CYP4V2: variants seen among roughly 807,000 people sequenced by gnomAD.
CYP4V2 encodes cytochrome P450 4V2.
CYP4V2 carries 55 observed loss-of-function variants against 60.8 expected under a neutral mutation model. That is an observed-to-expected ratio of 0.90 (90% CI 0.73 to 1.13). The LOEUF (loss-of-function observed/expected upper bound fraction) is 1.13. Ranked by LOEUF, CYP4V2 falls within the 50% of genes most tolerant of loss-of-function variation. CYP4V2 has a pLI of 0.00. For synonymous variants in CYP4V2, 239 were observed against 236.8 expected (o/e 1.01, Z -0.08); for missense variants, 675 against 662.9 (o/e 1.02, Z -0.20).
At position 186,197,142 on chromosome 4, in the gene CYP4V2, C is replaced by A; in HGVS notation, c.604+12C>A. ...AGATATCATCTGTGGTGAGTCTCAT[C>A]GATCTGTTTCTAAATTTATGGCATA... On this transcript the variant is annotated intron_variant, in intron 4 of 10. Coordinates refer to ENST00000378802, the MANE Select transcript of CYP4V2 (RefSeq NM_207352.4). The A allele has an allele frequency of 6.2e-7, 1 of 1,613,162 alleles. No homozygotes were observed.
At position 186,208,969 on chromosome 4, in the gene CYP4V2, G is replaced by T. The variant is rs758771290; in HGVS notation, c.1195G>T (p.Ala399Ser). 3 of 1,613,998 alleles carry T rather than the reference G, an allele frequency of 1.9e-6. No homozygotes were observed. The highest frequency in any genetic ancestry group is 1.7e-5 in the Admixed American group (1 of 60,000). Residue 399 changes from alanine (A) to serine (S), a missense_variant, in exon 9 of 11, where the codon GCC becomes TCC. By Grantham distance (99) the Ala-to-Ser change is moderately conservative. Coordinates refer to ENST00000378802, the MANE Select transcript of CYP4V2 (RefSeq NM_207352.4). ...LRLFPSVPLF[A>S]RSVSEDCEVA... ...CCTTTTTCCTTCTGTTCCTTTATTT[G>T]CCCGTAGTGTTAGTGAAGATTGTGA...
Position 186,195,121 on chromosome 4 carries a change from G to T in CYP4V2, c.327+509G>T, listed in dbSNP as rs1280036604. ...CTGTAGTCTTTTTACTTGTTGAAAG[G>T]TCTGGGGAAATCATCTTGTAGTATG... On this transcript the variant is annotated intron_variant, in intron 2 of 10. Transcript: ENST00000378802. The surrounding 1 kb of genome is among the most constrained non-coding windows in gnomAD (Gnocchi z 4.1). 2.6e-5 allele frequency among the ~76,000 whole-genome samples: 4 copies of T among 152,194 alleles called. No individual in the cohort carries two copies. Among genetic ancestry groups the T allele is most frequent in the Non-Finnish European group, 5.9e-5 (4 of 68,040 alleles).
In CYP4V2 at chr4:186,191,874, C is replaced by A; in HGVS notation, c.51C>A (p.Gly17=). Residue 17 remains glycine, a synonymous_variant, in exon 1 of 11, where the codon GGC becomes GGA. Transcript: ENST00000378802. The stretch of plus-strand genomic sequence containing the variant: ...TGTGGCAGAAGCTGCTGCTGTGGGG[C>A]GCGGCGAGTGCCCTTTCCCTGGCCG... ...GLVWQKLLLW[G]AASALSLAGA... 1 of 1,587,456 alleles carries A rather than the reference C, an allele frequency of 6.3e-7. No homozygotes were observed. Among genetic ancestry groups the A allele is most frequent in the East Asian group, 2.3e-5 (1 of 43,604 alleles).
At chr4:186,192,084 G>C in intron 1 of CYP4V2, 47 bp downstream of exon 1, 1 of 1,534,824 alleles carries the variant, frequency 6.5e-7, no homozygotes, top group Non-Finnish European at 8.7e-7. Context: ...CCGCAGCCCC[G>C]TTCCCACCCT....
In CYP4V2 at chr4:186,195,914, A is replaced by C. The variant is rs1173001877; in HGVS notation, c.328-89A>C. On this transcript the variant is annotated intron_variant, in intron 2 of 10. Transcript: ENST00000378802. This position sits in a 1 kb window ranked among gnomAD's most constrained non-coding sequence, Gnocchi z 4.1. Reference sequence around the variant, plus strand: ...AATAAATGTTGTGAATGCCCTAAAAACTAGCTGTATTCTAGCCAGTATTCC... The same window carrying C: ...AATAAATGTTGTGAATGCCCTAAAACCTAGCTGTATTCTAGCCAGTATTCC... 1 of 917,150 alleles carries C rather than the reference A, an allele frequency of 1.1e-6. No homozygotes were observed. Among genetic ancestry groups the C allele is most frequent in the East Asian group, 2.5e-5 (1 of 40,552 alleles). The allele number at this position is 917,150 out of a possible 1,614,324, so 56.8% of individuals were successfully genotyped here.
chr4:186,196,990 A>G lies in CYP4V2; in HGVS notation c.464A>G (p.His155Arg), dbSNP rs768393090. 6.2e-7 allele frequency: 1 copy of G among 1,613,790 alleles called. No individual in the cohort carries two copies. The highest frequency in any genetic ancestry group is 1.1e-5 in the South Asian group (1 of 91,060). Residue 155 changes from histidine to arginine, a missense_variant, in exon 4 of 11, where the codon CAT (histidine) becomes CGT (arginine). Coordinates refer to ENST00000378802, the MANE Select transcript of CYP4V2 (RefSeq NM_207352.4). ...AGAAAGATGTTAACACCCACTTTCC[A>G]TTTTACCATTCTGGAAGATTTCTTA... ...SRRKMLTPTFHFTILEDFLDI... is the reference protein window; with the variant it reads ...SRRKMLTPTFRFTILEDFLDI...
At chr4:186,192,440 C>T in intron 1 of CYP4V2, 1 of 359,984 alleles carries the variant, frequency 2.8e-6, no homozygotes. Context: ...CCTCTCGCTG[C>T]CACTTTGGAA....
chr4:186,194,651 T>G (rs72646244), intron 2 of CYP4V2, 39 bp downstream of exon 2: 75 of 1,523,206 alleles, frequency 4.9e-5, no homozygotes, highest in Non-Finnish European at 6.7e-5. Context: ...GTACTGTGTA[T>G]CTGACAGTGT....
chr4:186,197,933 GA>G (rs1478790071), intron 5 of CYP4V2, among the ~76,000 whole-genome samples: 7 of 152,214 alleles, frequency 4.6e-5, no homozygotes, highest in African/African-American at 1.4e-4. Flanking sequence ...ATTATTCATA[GA>G]AAAAAACTAG....
chr4:186,210,504 C>G lies in CYP4V2; in HGVS notation c.1441C>G (p.Leu481Val), dbSNP rs368359294. The G allele has an allele frequency of 2.9e-5, 47 of 1,614,068 alleles. No individual in the cohort carries two copies. In the African/African-American group the frequency reaches 4.4e-4, roughly 15 times the overall value. Residue 481 changes from leucine to valine, a missense_variant, in exon 11 of 11, where the codon CTT becomes GTT. Transcript: ENST00000378802. ...KFAVMEEKTI[L>V]SCILRHFWIE... ...TGCTGTGATGGAAGAAAAGACCATT[C>G]TTTCGTGCATCCTGAGGCACTTTTG...
At chr4:186,192,063 C>T in intron 1 of CYP4V2, 26 bp downstream of exon 1, 1 of 1,550,530 alleles carries the variant, frequency 6.4e-7, no homozygotes, top group Non-Finnish European at 8.7e-7. Flanking sequence ...CCTCCTGGAG[C>T]GCAACGGGGT....
At chr4:186,204,035 AT>A (rs5864975) in intron 7 of CYP4V2, 56,491 of 151,246 alleles carry the variant, frequency 0.37, 10,750 homozygotes, top group South Asian at 0.55. Flanking sequence ...TTCCAGATAC[AT>A]TTTTTTTTTT....
intron 7 of CYP4V2, chr4:186,203,939 G>A (rs1187911127): frequency 6.6e-6 from 1 of 152,202 alleles, no homozygotes; most frequent in Non-Finnish European, 1.5e-5. Context: ...AGGAAAAATG[G>A]AAAAGTGAGA....
intron 8 of CYP4V2, among the ~76,000 whole-genome samples, chr4:186,207,963 A>T (rs1310328130): frequency 6.6e-6 from 1 of 152,240 alleles, no homozygotes; most frequent in African/African-American, 2.4e-5. Flanking sequence ...TAATGTTAGA[A>T]ATTCTGCTTT....
At chr4:186,203,466 G>C (rs1032509130) in intron 7 of CYP4V2, 4 of 152,508 alleles carry the variant, frequency 2.6e-5, no homozygotes, top group African/African-American at 9.6e-5. Context: ...TCCACAGGCT[G>C]GTGCAGGCTG....
At position 186,213,090 on chromosome 4, in the gene CYP4V2, A is replaced by G. The variant is rs964103339; in HGVS notation, c.*2449A>G. The G allele has an allele frequency of 2.0e-5, 3 of 152,146 alleles. No individual in the cohort carries two copies. Among genetic ancestry groups the G allele is most frequent in the African/African-American group, 4.8e-5 (2 of 41,460 alleles). The allele number at this position is 152,146 out of a possible 1,614,324, so 9.4% of individuals were successfully genotyped here. The stretch of plus-strand genomic sequence containing the variant: ...AGTGACCCTACATGACATTAAATTT[A>G]AAGTAAAACATTGTTTAATGTTACC... On this transcript the variant is annotated 3_prime_UTR_variant, in exon 11 of 11. Transcript: ENST00000378802.
chr4:186,210,631 A>T lies in CYP4V2; in HGVS notation c.1568A>T (p.Asp523Val). Reference protein sequence around the residue: ...IWIKLKRRNADER With the variant: ...IWIKLKRRNAVER ...ATCAAGTTGAAGAGGAGAAATGCAGATGAACGCTAACTATATTATTGGGTT... is the reference window on the plus strand; with the variant it reads ...ATCAAGTTGAAGAGGAGAAATGCAGTTGAACGCTAACTATATTATTGGGTT... Residue 523 changes from aspartate to valine, a missense_variant, in exon 11 of 11, where the codon GAT becomes GTT. Transcript: ENST00000378802. The T allele has an allele frequency of 6.2e-7, 1 of 1,614,144 alleles. No homozygotes were observed. Among genetic ancestry groups the T allele is most frequent in the Non-Finnish European group, 8.5e-7 (1 of 1,180,022 alleles).
intron 6 of CYP4V2, among the ~76,000 whole-genome samples, chr4:186,200,003 C>G (rs1472231062): frequency 6.6e-6 from 1 of 152,152 alleles, no homozygotes; most frequent in Non-Finnish European, 1.5e-5. Context: ...GTTGGCTGAG[C>G]TGGCCACAGT....
In CYP4V2 at chr4:186,210,715, A is replaced by G; in HGVS notation, c.*74A>G. The G allele has an allele frequency of 6.3e-7, 1 of 1,580,930 alleles. No individual in the cohort carries two copies. Among genetic ancestry groups the G allele is most frequent in the South Asian group, 1.1e-5 (1 of 88,600 alleles). On this transcript the variant is annotated 3_prime_UTR_variant, in exon 11 of 11. Coordinates refer to ENST00000378802, the MANE Select transcript of CYP4V2 (RefSeq NM_207352.4). ...GAGATCCTTGTCATTTACAATTTAC[A>G]GATCATGAGTTCAATATGCTTGAAT...
Sources: gnomAD v4.1 joint callset for allele counts (sites outside exome capture counted in the v4.1 genomes callset) on GRCh38, gnomAD v4.1.1 for gene constraint, Gnocchi (gnomAD v3.1) non-coding constraint, MANE v1.5 for transcripts, NCBI Gene and HGNC (gene_info 2026-07-23, HGNC 2026-07-21) for gene names.